The following FTO variants were observed in gnomAD, a reference collection of about 807,000 sequenced individuals.
FTO encodes alpha-ketoglutarate-dependent dioxygenase FTO.
In FTO, 47 loss-of-function variants were observed where a neutral mutation model predicts 63.9. That is an observed-to-expected ratio of 0.74 (90% CI 0.58 to 0.94). The LOEUF is 0.94. Among genes scored for constraint, FTO ranks in the 40% least tolerant of loss-of-function variants. The pLI is 0.00. For synonymous variants in FTO, 207 were observed against 224.4 expected (o/e 0.92, Z 0.69); for missense variants, 562 against 618.1 (o/e 0.91, Z 0.96).
At chr16:54,097,324 G>GT (rs113321593) in intron 8 of FTO, among the ~76,000 whole-genome samples, 11,457 of 147,098 alleles carry the variant, frequency 0.078, 1,241 homozygotes, top group African/African-American at 0.24. Context: ...CTCTTTTTTT[G>GT]TTTTTTTTTT....
At chr16:53,917,716 G>GTGTGTT (rs2081908806) in intron 7 of FTO, among the ~76,000 whole-genome samples, 1 of 150,578 alleles carries the variant, frequency 6.6e-6, no homozygotes, top group Non-Finnish European at 1.5e-5. Flanking sequence ...GTGAGTGTGT[G>GTGTGTT]TGTGTGTGTG....
At chr16:53,787,867 T>C (rs542113133) in intron 1 of FTO, among the ~76,000 whole-genome samples, 1 of 152,172 alleles carries the variant, frequency 6.6e-6, no homozygotes, top group African/African-American at 2.4e-5. Flanking sequence ...AACTATTCAT[T>C]GCTATTGGTT....
intron 1 of FTO, among the ~76,000 whole-genome samples, chr16:53,719,186 A>G (rs1396387159): frequency 6.6e-6 from 1 of 152,022 alleles, no homozygotes; most frequent in Non-Finnish European, 1.5e-5. Context: ...ACCATTTACA[A>G]AGCATTAGGA....
chr16:53,773,479 A>G (rs1047444956), intron 1 of FTO, among the ~76,000 whole-genome samples: 1 of 152,138 alleles, frequency 6.6e-6, no homozygotes, highest in African/African-American at 2.4e-5. Context: ...CTAGGCAGCT[A>G]CTTAACGCCC....
chr16:54,068,535 G>A (rs2085786379), intron 8 of FTO, among the ~76,000 whole-genome samples: 1 of 152,124 alleles, frequency 6.6e-6, no homozygotes, highest in Non-Finnish European at 1.5e-5. Flanking sequence ...GGTTATGAAT[G>A]AAAAATACCT....
chr16:54,112,038 C>A lies in FTO; in HGVS notation c.*123C>A. On this transcript the variant is annotated 3_prime_UTR_variant, in exon 9 of 9. Transcript: ENST00000471389. ...CCCCTAGATTGTAGCACCCGGGTCC[C>A]AATCCAAAACAGCTAGGAAATGGTG... The A allele has an allele frequency of 1.0e-6, 1 of 964,058 alleles. No homozygotes were observed. Among genetic ancestry groups the A allele is most frequent in the Non-Finnish European group, 1.7e-6 (1 of 602,866 alleles). 59.7% of individuals were successfully genotyped at this position (964,058 alleles called of 1,614,324 possible).
chr16:53,853,595 T>C (rs1414578450), intron 4 of FTO, among the ~76,000 whole-genome samples: 1 of 152,186 alleles, frequency 6.6e-6, no homozygotes, highest in Non-Finnish European at 1.5e-5. Flanking sequence ...ATTCCTGAGT[T>C]ACTTCACTTA....
chr16:53,864,062 C>G (rs1420340975), intron 4 of FTO, among the ~76,000 whole-genome samples: 1 of 152,142 alleles, frequency 6.6e-6, no homozygotes, highest in Non-Finnish European at 1.5e-5. Flanking sequence ...AGGAACCTTC[C>G]CCTCCCCCTT....
intron 8 of FTO, among the ~76,000 whole-genome samples, chr16:54,088,597 T>C (rs1289330121): frequency 6.6e-6 from 1 of 152,222 alleles, no homozygotes; most frequent in Non-Finnish European, 1.5e-5. Context: ...ATATTTCGTA[T>C]TTTGAATGCC....
At chr16:53,841,502 T>A (rs1251047220) in intron 3 of FTO, among the ~76,000 whole-genome samples, 1 of 152,156 alleles carries the variant, frequency 6.6e-6, no homozygotes, top group Non-Finnish European at 1.5e-5. Context: ...GTATCCAAAG[T>A]CAGATGTATC....
intron 8 of FTO, among the ~76,000 whole-genome samples, chr16:54,033,496 A>G (rs1172674503): frequency 2.6e-5 from 4 of 152,222 alleles, no homozygotes; most frequent in Non-Finnish European, 4.4e-5. Flanking sequence ...TAATGCATAC[A>G]GTTGTGTGGT....
chr16:53,736,596 C>T (rs941492639), intron 1 of FTO, among the ~76,000 whole-genome samples: 2 of 152,140 alleles, frequency 1.3e-5, no homozygotes, highest in Admixed American at 6.5e-5. Context: ...GCAATAGTCT[C>T]AGAACTAATG....
chr16:54,108,990 T>A (rs2086817318), intron 8 of FTO, among the ~76,000 whole-genome samples: 1 of 152,206 alleles, frequency 6.6e-6, no homozygotes, highest in East Asian at 1.9e-4. Flanking sequence ...CTTCCAGTAA[T>A]TCCCAACCTT....
chr16:53,879,105 A>T (rs541630910), intron 5 of FTO, among the ~76,000 whole-genome samples: 1 of 152,218 alleles, frequency 6.6e-6, no homozygotes, highest in Non-Finnish European at 1.5e-5. Context: ...GGCATTTGAG[A>T]TAAAAAGTCA....
At chr16:54,041,425 TTGGG>T (rs778045740) in intron 8 of FTO, among the ~76,000 whole-genome samples, 1 of 152,088 alleles carries the variant, frequency 6.6e-6, no homozygotes, top group Non-Finnish European at 1.5e-5. Flanking sequence ...CAGATGAGAT[TTGGG>T]TGGAGACACA....
intron 4 of FTO, among the ~76,000 whole-genome samples, chr16:53,859,113 T>A (rs184591702): frequency 3.3e-5 from 5 of 152,294 alleles, no homozygotes; most frequent in African/African-American, 1.2e-4. Context: ...GAGGTTAGAT[T>A]GACAGAAAAG....
intron 1 of FTO, among the ~76,000 whole-genome samples, chr16:53,717,651 C>T (rs1157336773): frequency 6.6e-6 from 1 of 151,948 alleles, no homozygotes; most frequent in Non-Finnish European, 1.5e-5. Context: ...ATTAGATTAA[C>T]AGTCATGCAT....
intron 8 of FTO, among the ~76,000 whole-genome samples, chr16:53,976,173 A>G (rs1430864569): frequency 6.6e-6 from 1 of 152,166 alleles, no homozygotes; most frequent in Non-Finnish European, 1.5e-5. Flanking sequence ...TTTGTGCATT[A>G]TATCTTTCTT....
chr16:54,096,213 C>T (rs538639586), intron 8 of FTO, among the ~76,000 whole-genome samples: 8 of 152,300 alleles, frequency 5.3e-5, no homozygotes, highest in South Asian at 2.1e-4. Context: ...ACTGACCCAG[C>T]GGCATAGATA....
Sources: allele counts gnomAD v4.1 joint callset (sites outside exome capture counted in the v4.1 genomes callset), GRCh38; gene constraint gnomAD v4.1.1; transcripts MANE v1.5; gene names NCBI Gene and HGNC (gene_info 2026-07-23, HGNC 2026-07-21).